RORB: variants seen among roughly 807,000 people sequenced by gnomAD.
The protein encoded by RORB is RAR related orphan receptor B.
In RORB, 6 loss-of-function variants were observed where a neutral mutation model predicts 59.1. That is an observed-to-expected ratio of 0.10 (90% CI 0.06 to 0.20). RORB has a LOEUF of 0.20. Ranked by LOEUF, RORB falls within the 10% of genes least tolerant of loss-of-function variation. RORB has a pLI of 1.00. For synonymous variants in RORB, 215 were observed against 204.5 expected, an observed-to-expected ratio of 1.05 and a Z score of -0.44; for missense variants, 320 against 560.5, an observed-to-expected ratio of 0.57 and a Z score of 4.33.
At chr9:74,570,830 G>T (rs909467510) in intron 1 of RORB, among the ~76,000 whole-genome samples, 1 of 151,972 alleles carries the variant, frequency 6.6e-6, no homozygotes, top group Admixed American at 6.6e-5. Flanking sequence ...TATATCATCA[G>T]AACATATGTG....
Position 74,634,078 on chromosome 9 carries a change from T to TAAA in RORB, c.94-541_94-539dup, listed in dbSNP as rs57659935. ...AGCATAGCAAGACACCTCAAAAAGTTAAAAAAAAAAAAAAGACACTTTTCA... is the reference window on the plus strand; with the variant it reads ...AGCATAGCAAGACACCTCAAAAAGTTAAAAAAAAAAAAAAAAAGACACTTTTCA... On this transcript the variant is annotated intron_variant, in intron 2 of 9. Transcript: ENST00000376896. Among the ~76,000 whole-genome samples, 755 of 141,654 alleles carry TAAA rather than the reference T, an allele frequency of 5.3e-3. 9 individuals are homozygous for TAAA. Among genetic ancestry groups the TAAA allele is most frequent in the African/African-American group, 0.012 (456 of 38,472 alleles). 92.9% of individuals were successfully genotyped at this position (141,654 alleles called of 152,430 possible). A position where few individuals can be genotyped will look rare whatever the true frequency, so the allele number is the denominator to read the frequency against.
intron 1 of RORB, among the ~76,000 whole-genome samples, chr9:74,582,987 T>C (rs1245379013): frequency 6.6e-6 from 1 of 152,080 alleles, no homozygotes; most frequent in African/African-American, 2.4e-5. Context: ...TTCTCAGGTG[T>C]CTATATGGGA....
intron 6 of RORB, 67 bp downstream of exon 6, chr9:74,662,673 G>T: frequency 6.5e-7 from 1 of 1,535,710 alleles, no homozygotes; most frequent in South Asian, 1.2e-5. Flanking sequence ...GCACTGTGTT[G>T]GTTCTAGAAA....
intron 1 of RORB, among the ~76,000 whole-genome samples, chr9:74,559,227 G>T (rs1296124294): frequency 1.3e-5 from 2 of 152,188 alleles, no homozygotes; most frequent in Non-Finnish European, 2.9e-5. Context: ...TTTCCTTGTA[G>T]ATTTGTGTCT....
chr9:74,619,025 G>C (rs1462749066), intron 1 of RORB, among the ~76,000 whole-genome samples: 1 of 152,184 alleles, frequency 6.6e-6, no homozygotes, highest in Non-Finnish European at 1.5e-5. Flanking sequence ...TATATGGTTA[G>C]TGACTACAGA....
At chr9:74,677,964 T>C (rs999124433) in intron 9 of RORB, among the ~76,000 whole-genome samples, 7 of 152,146 alleles carry the variant, frequency 4.6e-5, no homozygotes, top group African/African-American at 1.7e-4. Flanking sequence ...GTTCACATGC[T>C]GTGGAGGAAA....
intron 5 of RORB, among the ~76,000 whole-genome samples, chr9:74,662,169 G>GAAGGAGGAA (rs1824198642): frequency 6.6e-6 from 1 of 152,130 alleles, no homozygotes; most frequent in African/African-American, 2.4e-5. Context: ...GTTTAGGTGA[G>GAAGGAGGAA]AAGGAGGAAA....
At chr9:74,580,523 G>A (rs1181285474) in intron 1 of RORB, among the ~76,000 whole-genome samples, 1 of 152,124 alleles carries the variant, frequency 6.6e-6, no homozygotes, top group African/African-American at 2.4e-5. Context: ...CTAATTGATG[G>A]TGGCTAATGG....
At chr9:74,594,064 A>T (rs1046048428) in intron 1 of RORB, among the ~76,000 whole-genome samples, 4 of 152,214 alleles carry the variant, frequency 2.6e-5, no homozygotes, top group African/African-American at 9.6e-5. Context: ...AATAGCAACC[A>T]CAGTATTTTT....
At chr9:74,610,336 CAT>C (rs1159715620) in intron 1 of RORB, among the ~76,000 whole-genome samples, 1 of 152,074 alleles carries the variant, frequency 6.6e-6, no homozygotes, top group Non-Finnish European at 1.5e-5. Context: ...TTTTGAGAAA[CAT>C]GTAGAGAAAA....
chr9:74,593,388 C>T (rs997278320), intron 1 of RORB, among the ~76,000 whole-genome samples: 2 of 150,302 alleles, frequency 1.3e-5, no homozygotes, highest in Non-Finnish European at 1.5e-5. Context: ...ATCTCTTGAA[C>T]CTGGGAGGTG....
At chr9:74,594,043 A>G (rs1219766719) in intron 1 of RORB, among the ~76,000 whole-genome samples, 1 of 152,226 alleles carries the variant, frequency 6.6e-6, no homozygotes, top group Admixed American at 6.5e-5. Context: ...TAGAAAAATA[A>G]TGGTGCTTGA....
At chr9:74,685,277 C>A (rs1254970509) in intron 9 of RORB, among the ~76,000 whole-genome samples, 186 bp from the exon 10 acceptor site, 1 of 31,674 alleles carries the variant, frequency 3.2e-5, no homozygotes, top group Non-Finnish European at 6.2e-5. Flanking sequence ...TCCGGGGGGG[C>A]GGGGGTGGGT....
chr9:74,528,309 C>T (rs1043008710), intron 1 of RORB, among the ~76,000 whole-genome samples: 12 of 151,992 alleles, frequency 7.9e-5, no homozygotes, highest in African/African-American at 2.9e-4. Flanking sequence ...ACTCTCCTAG[C>T]GCAGCTGCTC....
intron 1 of RORB, among the ~76,000 whole-genome samples, chr9:74,552,916 G>A (rs1039892803): frequency 3.3e-5 from 5 of 152,158 alleles, no homozygotes; most frequent in South Asian, 2.1e-4. Flanking sequence ...GAATCAAAGC[G>A]GGGACCTAAG....
chr9:74,600,557 A>G (rs996477964), intron 1 of RORB, among the ~76,000 whole-genome samples: 5 of 152,292 alleles, frequency 3.3e-5, no homozygotes, highest in Admixed American at 1.3e-4. Context: ...GTCATTTCAG[A>G]TCTTCCTCTG....
rs774427225 is a variant in RORB, at chr9:74,642,667, G to A, written c.489G>A (p.Pro163=). ...EGYYNVDSGQ[P]SPDQSGLDMT... is the part of the protein sequence containing the mutation. ...ATTACAACGTCGATTCCGGTCAGCC[G>A]TCCCCTGATCAGTCAGGACTTGACA... Residue 163 remains proline, a synonymous_variant, in exon 4 of 10, where the codon CCG becomes CCA. Transcript: ENST00000376896. 4.5e-5 allele frequency: 72 copies of A among 1,614,028 alleles called. No homozygotes were observed. Among genetic ancestry groups the A allele is most frequent in the South Asian group, 5.5e-5 (5 of 91,084 alleles).
At chr9:74,519,589 A>G (rs1826055338) in intron 1 of RORB, among the ~76,000 whole-genome samples, 1 of 151,902 alleles carries the variant, frequency 6.6e-6, no homozygotes, top group Non-Finnish European at 1.5e-5. Context: ...TTTAAAATAA[A>G]TTTTCTAAGT....
At chr9:74,668,643 TAAGAA>T (rs1217553365) in intron 8 of RORB, among the ~76,000 whole-genome samples, 1 of 152,182 alleles carries the variant, frequency 6.6e-6, no homozygotes, top group Non-Finnish European at 1.5e-5. Context: ...AAAATGGTAC[TAAGAA>T]AATTATAAGC....
Sources: gnomAD v4.1 joint callset for allele counts (sites outside exome capture counted in the v4.1 genomes callset) on GRCh38, gnomAD v4.1.1 for gene constraint, MANE v1.5 for transcripts, NCBI Gene and HGNC (gene_info 2026-07-23, HGNC 2026-07-21) for gene names.